The following SSBP2 variants were observed in gnomAD, a reference collection of about 807,000 sequenced individuals.
SSBP2 encodes single stranded DNA binding protein 2.
In SSBP2, 17 loss-of-function variants were observed where a neutral mutation model predicts 61.8. The ratio of observed to expected loss-of-function variants is 0.28; its 90% CI spans 0.19 to 0.41. The LOEUF (loss-of-function observed/expected upper bound fraction) is 0.41, where lower values mean the gene tolerates loss of function less well. SSBP2 is among the 10% of genes least tolerant of loss of function. The probability of loss-of-function intolerance (pLI) is 1.00; values close to 1 mark genes in which losing one functional copy is unlikely to be tolerated. For synonymous variants in SSBP2, 139 were observed against 141.3 expected, an observed-to-expected ratio of 0.98 and a Z score of 0.12; for missense variants, 310 against 458.7, an observed-to-expected ratio of 0.68 and a Z score of 2.96.
intron 5 of SSBP2, among the ~76,000 whole-genome samples, chr5:81,510,627 G>A (rs1367503534): frequency 6.6e-6 from 1 of 152,054 alleles, no homozygotes; most frequent in Non-Finnish European, 1.5e-5. Flanking sequence ...CGGGCGTGGT[G>A]GCACATGCCT....
rs1213827624 is a variant in SSBP2 at position 81,440,456 on chromosome 5, G to C, written c.928+102C>G. 3.4e-6 allele frequency: 3 copies of C among 889,702 alleles called. No homozygotes were observed. In the East Asian group the frequency reaches 7.8e-5, roughly 23 times the overall value. The allele number at this position is 889,702 out of a possible 1,614,324, so 55.1% of individuals were successfully genotyped here. ...GGTAAAAGTTGAAGTATTTAAAAAT[G>C]AGTAGCTGGCTATGGAAGAACTTTG... On this transcript the variant is annotated intron_variant, in intron 14 of 16. Coordinates refer to ENST00000320672, the MANE Select transcript of SSBP2 (RefSeq NM_012446.5).
chr5:81,648,543 G>C (rs906252833), intron 2 of SSBP2, among the ~76,000 whole-genome samples: 1 of 152,042 alleles, frequency 6.6e-6, no homozygotes, highest in Non-Finnish European at 1.5e-5. Context: ...CTCAGGCAGG[G>C]AACTATTGGC....
chr5:81,745,211 A>T (rs1757278350), intron 1 of SSBP2, among the ~76,000 whole-genome samples: 1 of 152,044 alleles, frequency 6.6e-6, no homozygotes, highest in South Asian at 2.1e-4. Flanking sequence ...AGCCTCTGCT[A>T]TTTCTCTAAC....
chr5:81,750,867 C>CCCCCCCCCGCG, intron 1 of SSBP2, 114 bp downstream of exon 1: 1 of 1,225,890 alleles, frequency 8.2e-7, no homozygotes. Context: ...CCCTGCCAGC[C>CCCCCCCCCGCG]CACCCCCGGC....
intron 2 of SSBP2, 37 bp downstream of exon 2, chr5:81,650,230 A>T: frequency 7.3e-7 from 1 of 1,372,002 alleles, no homozygotes; most frequent in Middle Eastern, 2.0e-4. Context: ...CATTTATATA[A>T]GATCAAAATG....
chr5:81,748,383 G>T (rs1428540738), intron 1 of SSBP2, among the ~76,000 whole-genome samples: 1 of 152,002 alleles, frequency 6.6e-6, no homozygotes, highest in Non-Finnish European at 1.5e-5. Context: ...CCATTTTAAT[G>T]ATGACTTCAA....
intron 8 of SSBP2, among the ~76,000 whole-genome samples, chr5:81,467,733 A>G (rs1025171743): frequency 6.6e-6 from 1 of 152,032 alleles, no homozygotes; most frequent in African/African-American, 2.4e-5. Context: ...TATCACTATT[A>G]TCTTAATGTA....
Position 81,574,797 on chromosome 5 carries a change from G to GA in SSBP2, c.282+40675dup, listed in dbSNP as rs1436944605. Reference sequence around the variant, plus strand: ...ACAGGAATGATATCTTCAAGACACTGAAAAAAAAATGTCAACCTAGAGTTT... The same window carrying GA: ...ACAGGAATGATATCTTCAAGACACTGAAAAAAAAAATGTCAACCTAGAGTTT... On this transcript the variant is annotated intron_variant, in intron 4 of 16. Transcript: ENST00000320672. 1.3e-4 allele frequency among the ~76,000 whole-genome samples: 19 copies of GA among 150,336 alleles called. No individual in the cohort carries two copies. The East Asian group carries it at 1.9e-3, about 15-fold the overall frequency.
At chr5:81,688,237 G>A (rs970680734) in intron 1 of SSBP2, among the ~76,000 whole-genome samples, 1 of 152,158 alleles carries the variant, frequency 6.6e-6, no homozygotes, top group African/African-American at 2.4e-5. Context: ...CTTATGATTC[G>A]GGTGCCAGCT....
intron 16 of SSBP2, among the ~76,000 whole-genome samples, chr5:81,424,384 A>T (rs368023180): frequency 1.3e-5 from 2 of 152,170 alleles, no homozygotes; most frequent in African/African-American, 4.8e-5. Flanking sequence ...AGATCGCACC[A>T]TTGCATTCCA....
chr5:81,726,935 C>A (rs536097759), intron 1 of SSBP2, among the ~76,000 whole-genome samples: 3 of 152,328 alleles, frequency 2.0e-5, no homozygotes, highest in East Asian at 1.9e-4. Context: ...CCTTTAATTT[C>A]TTTTGCACTT....
At chr5:81,438,364 AAGAAAT>A in intron 14 of SSBP2, among the ~76,000 whole-genome samples, 1 of 151,818 alleles carries the variant, frequency 6.6e-6, no homozygotes, top group Non-Finnish European at 1.5e-5. Context: ...AAAAAAAAAA[AAGAAAT>A]AGAATCATAC....
intron 15 of SSBP2, 31 bp downstream of exon 15, chr5:81,437,399 T>C: frequency 6.3e-7 from 1 of 1,584,372 alleles, no homozygotes; most frequent in East Asian, 2.3e-5. Flanking sequence ...AAAATTCTGA[T>C]TAAAAACAAC....
intron 2 of SSBP2, among the ~76,000 whole-genome samples, chr5:81,640,603 T>C (rs936553041): frequency 1.3e-5 from 2 of 152,094 alleles, no homozygotes; most frequent in African/African-American, 4.8e-5. Flanking sequence ...AAATAAGAAA[T>C]AATATTTAAT....
rs184780635 is a variant in SSBP2 at position 81,507,631 on chromosome 5, T to C, written c.372+5997A>G. On this transcript the variant is annotated intron_variant, in intron 5 of 16. Transcript: ENST00000320672. ...AAAGGATATGAATGTATTTGGTTAT[T>C]AGAGTGATAAGGAAGTTATAGTTTC... Among the ~76,000 whole-genome samples the C allele has an allele frequency of 3.3e-5, 5 of 152,254 alleles. No homozygotes were observed. In the South Asian group the frequency reaches 8.3e-4, roughly 25 times the overall value.
intron 4 of SSBP2, among the ~76,000 whole-genome samples, chr5:81,602,762 C>A (rs1029207402): frequency 2.6e-5 from 4 of 152,164 alleles, no homozygotes; most frequent in African/African-American, 4.8e-5. Context: ...TTTAGATATT[C>A]TGCCTGGTAA....
intron 2 of SSBP2, among the ~76,000 whole-genome samples, chr5:81,648,532 C>G (rs1023479760): frequency 2.9e-4 from 44 of 152,016 alleles, no homozygotes; most frequent in African/African-American, 1.0e-3. Context: ...GAAGGCTATA[C>G]CTCAGGCAGG....
chr5:81,450,375 ATCGGC>A (rs1413001087), intron 10 of SSBP2, among the ~76,000 whole-genome samples: 4 of 152,060 alleles, frequency 2.6e-5, no homozygotes, highest in Non-Finnish European at 4.4e-5. Context: ...CAATTTATCT[ATCGGC>A]TCCTAGGACC....
At chr5:81,733,794 C>A (rs1756421362) in intron 1 of SSBP2, among the ~76,000 whole-genome samples, 3 of 152,074 alleles carry the variant, frequency 2.0e-5, no homozygotes, top group Admixed American at 2.0e-4. Flanking sequence ...TGAAAGCTTC[C>A]CATAAGCCTC....
Sources: allele counts gnomAD v4.1 joint callset (sites outside exome capture counted in the v4.1 genomes callset), GRCh38; gene constraint gnomAD v4.1.1; transcripts MANE v1.5; gene names NCBI Gene and HGNC (gene_info 2026-07-23, HGNC 2026-07-21).